Variants in WDPCP observed in about 807,000 individuals in gnomAD.
WDPCP encodes the protein WD repeat containing planar cell polarity effector.
Under a neutral mutation model 93.1 loss-of-function variants are expected in WDPCP, and 71 were observed. The ratio of observed to expected loss-of-function variants is 0.76; its 90% CI spans 0.63 to 0.93. WDPCP has a LOEUF of 0.93. Ranked by LOEUF, WDPCP falls within the 40% of genes least tolerant of loss-of-function variation. The probability of loss-of-function intolerance (pLI) is 0.00; values close to 1 mark genes in which losing one functional copy is unlikely to be tolerated. For synonymous variants in WDPCP, 315 were observed against 315.0 expected, an observed-to-expected ratio of 1.00 and a Z score of 0.00; for missense variants, 844 against 887.4, an observed-to-expected ratio of 0.95 and a Z score of 0.62.
chr2:63,153,652 T>C (rs746303635), intron 15 of WDPCP, 78 bp from the exon 16 acceptor site: 68 of 956,624 alleles, frequency 7.1e-5, no homozygotes, highest in South Asian at 9.6e-5. Flanking sequence ...TTATAGATTT[T>C]AAAGTATTAA....
At chr2:63,771,479 C>G (rs777036686) in intron 2 of WDPCP, among the ~76,000 whole-genome samples, 4 of 151,878 alleles carry the variant, frequency 2.6e-5, no homozygotes, top group Non-Finnish European at 5.9e-5. Context: ...GAATAAATAA[C>G]ACCAATCTTA....
intron 14 of WDPCP, among the ~76,000 whole-genome samples, chr2:63,237,764 A>G (rs569468998): frequency 5.3e-4 from 81 of 152,252 alleles, no homozygotes; most frequent in African/African-American, 1.7e-3. Flanking sequence ...ATAAAGTAGG[A>G]GCAGCTAAAC....
At chr2:63,271,883 A>C (rs999483199) in intron 13 of WDPCP, among the ~76,000 whole-genome samples, 17 of 152,128 alleles carry the variant, frequency 1.1e-4, no homozygotes, top group African/African-American at 4.1e-4. Flanking sequence ...AGACTGCTAC[A>C]ACCACTGGTG....
At chr2:63,780,392 G>A (rs577536718) in intron 2 of WDPCP, among the ~76,000 whole-genome samples, 121 of 152,244 alleles carry the variant, frequency 7.9e-4, no homozygotes, top group Non-Finnish European at 1.6e-3. Flanking sequence ...TTCTCGTGCA[G>A]GTCTTTGAGG....
At chr2:63,407,710 T>G (rs999046900) in intron 9 of WDPCP, among the ~76,000 whole-genome samples, 3 of 152,224 alleles carry the variant, frequency 2.0e-5, no homozygotes, top group African/African-American at 7.2e-5. Context: ...ATAATCTGTC[T>G]TATATATTTT....
chr2:63,450,807 C>T (rs577218544), intron 6 of WDPCP, among the ~76,000 whole-genome samples: 1 of 152,212 alleles, frequency 6.6e-6, no homozygotes, highest in East Asian at 1.9e-4. Context: ...GCCAAAACAC[C>T]CCATCCAACC....
intron 2 of WDPCP, among the ~76,000 whole-genome samples, chr2:63,691,759 T>TA (rs1558885408): frequency 6.6e-6 from 1 of 152,170 alleles, no homozygotes; most frequent in Non-Finnish European, 1.5e-5. Context: ...TTATAAGTGA[T>TA]AAAAATGTAA....
At chr2:63,583,323 G>C (rs1708615638) in intron 1 of WDPCP, among the ~76,000 whole-genome samples, 1 of 152,122 alleles carries the variant, frequency 6.6e-6, no homozygotes, top group Admixed American at 6.6e-5. Flanking sequence ...GAAAAGAAGA[G>C]AGAACAGAGA....
chr2:63,263,610 G>C (rs1002129850), intron 13 of WDPCP, among the ~76,000 whole-genome samples: 1 of 152,218 alleles, frequency 6.6e-6, no homozygotes, highest in African/African-American at 2.4e-5. Context: ...TCTGTGGTAT[G>C]CTGTTGTAGC....
intron 14 of WDPCP, among the ~76,000 whole-genome samples, chr2:63,223,868 T>C (rs1246234905): frequency 1.3e-5 from 2 of 152,122 alleles, no homozygotes; most frequent in Non-Finnish European, 2.9e-5. Context: ...GGGGTGTGTT[T>C]CTGGCTTATT....
chr2:63,267,924 T>TA (rs1242464535), intron 13 of WDPCP, among the ~76,000 whole-genome samples: 5 of 151,898 alleles, frequency 3.3e-5, no homozygotes, highest in South Asian at 4.2e-4. Flanking sequence ...GGAGGTTTCT[T>TA]AAAAAAAACT....
intron 2 of WDPCP, among the ~76,000 whole-genome samples, chr2:63,760,994 G>A (rs769324269): frequency 6.6e-6 from 1 of 152,198 alleles, no homozygotes. Flanking sequence ...TGCCCACTTG[G>A]CTTGGGGTGG....
chr2:63,400,599 T>C (rs770136205), intron 10 of WDPCP, among the ~76,000 whole-genome samples: 27 of 152,180 alleles, frequency 1.8e-4, no homozygotes, highest in Non-Finnish European at 3.2e-4. Flanking sequence ...GCTATTCCCA[T>C]AAAACTACCA....
chr2:63,491,084 T>C (rs1700847413), intron 2 of WDPCP, among the ~76,000 whole-genome samples: 1 of 152,336 alleles, frequency 6.6e-6, no homozygotes, highest in South Asian at 2.1e-4. Flanking sequence ...TTTTGAATTT[T>C]GAATTTTTTC....
In WDPCP at chr2:63,403,911, T is replaced by G. The variant is rs17027850; in HGVS notation, c.1435+137A>C. 4,309 of 1,214,254 alleles carry G rather than the reference T, an allele frequency of 3.5e-3. 122 individuals carry two copies. The African/African-American group carries it at 0.058, about 16-fold the overall frequency. The allele number at this position is 1,214,254 out of a possible 1,614,324, so 75.2% of individuals were successfully genotyped here. A position where few individuals can be genotyped will look rare whatever the true frequency, so the allele number is the denominator to read the frequency against. On this transcript the variant is annotated intron_variant, in intron 10 of 17. Coordinates refer to ENST00000272321, the MANE Select transcript of WDPCP (RefSeq NM_015910.7). ...GAAAGTCATCCACAAAAGGGAACTA[T>G]ATGGATATTTGAAAGGCAAACATAT... is the stretch of plus-strand genomic sequence containing the variant.
intron 2 of WDPCP, among the ~76,000 whole-genome samples, chr2:63,806,631 T>G (rs1473575785): frequency 6.6e-6 from 1 of 152,158 alleles, no homozygotes; most frequent in African/African-American, 2.4e-5. Flanking sequence ...ATCTGACCTC[T>G]GCAGTCTCGA....
chr2:63,468,098 A>G (rs1699466426), intron 6 of WDPCP, among the ~76,000 whole-genome samples: 3 of 152,268 alleles, frequency 2.0e-5, no homozygotes, highest in African/African-American at 7.2e-5. Flanking sequence ...GATTCCTCTA[A>G]TGAATAACAT....
intron 12 of WDPCP, among the ~76,000 whole-genome samples, chr2:63,330,674 C>T (rs12713486): frequency 0.53 from 80,720 of 151,824 alleles, 21,850 homozygotes; most frequent in Admixed American, 0.63. Flanking sequence ...TGGCAAGAAA[C>T]TTTACCTCTT....
chr2:63,184,527 T>C (rs1214637914), intron 14 of WDPCP, among the ~76,000 whole-genome samples: 1 of 152,126 alleles, frequency 6.6e-6, no homozygotes, highest in Non-Finnish European at 1.5e-5. Flanking sequence ...TTTAAGCACA[T>C]TGAAAATAGA....
Sources: gnomAD v4.1 joint callset for allele counts (sites outside exome capture counted in the v4.1 genomes callset) on GRCh38, gnomAD v4.1.1 for gene constraint, MANE v1.5 for transcripts, NCBI Gene and HGNC (gene_info 2026-07-23, HGNC 2026-07-21) for gene names.